Variants in DDX50 observed in about 807,000 individuals in gnomAD.
DDX50 encodes the protein DExD-box helicase 50, also known as ATP-dependent RNA helicase DDX50.
DDX50 carries 56 observed loss-of-function variants against 94.8 expected under a neutral mutation model. The observed-to-expected ratio is 0.59, with a 90% confidence interval of 0.48 to 0.74. The LOEUF is 0.74. DDX50 is among the 30% of genes least tolerant of loss of function. The pLI is 0.00. For synonymous variants in DDX50, 264 were observed against 295.4 expected, an observed-to-expected ratio of 0.89 and a Z score of 1.09; for missense variants, 713 against 881.2, an observed-to-expected ratio of 0.81 and a Z score of 2.42.
intron 4 of DDX50, among the ~76,000 whole-genome samples, 166 bp downstream of exon 4, chr10:68,911,412 G>A (rs746819873): frequency 2.0e-5 from 3 of 152,204 alleles, no homozygotes; most frequent in African/African-American, 7.2e-5. Flanking sequence ...CAAAGTTAAA[G>A]TGAAGTAGTT....
intron 14 of DDX50, among the ~76,000 whole-genome samples, chr10:68,945,973 T>A (rs1842660808): frequency 6.6e-6 from 1 of 151,872 alleles, no homozygotes; most frequent in South Asian, 2.1e-4. Context: ...TAGTAATACA[T>A]AGTATAGTTT....
chr10:68,933,671 C>T (rs1198941715), intron 8 of DDX50, among the ~76,000 whole-genome samples: 2 of 151,718 alleles, frequency 1.3e-5, no homozygotes. Context: ...TGGTGGCTCA[C>T]GCCTGTAATC....
rs1263776150 is a variant in DDX50, at chr10:68,934,962, C to A, written c.1521+44C>A. 1 of 1,575,320 alleles carries A rather than the reference C, an allele frequency of 6.3e-7. No individual in the cohort carries two copies. Among genetic ancestry groups the A allele is most frequent in the Admixed American group, 1.9e-5 (1 of 53,324 alleles). ...TTTCAGGCTTATTGTCTAAATGGTG[C>A]CTTAAAAGAGAGCTCTTCTTATATT... is the stretch of plus-strand genomic sequence containing the variant. On this transcript the variant is annotated intron_variant, in intron 10 of 14. Transcript: ENST00000373585. The surrounding 1 kb of genome is among the most constrained non-coding windows in gnomAD (Gnocchi z 4.0).
chr10:68,940,709 C>T (rs1200060895), intron 12 of DDX50, among the ~76,000 whole-genome samples: 1 of 152,124 alleles, frequency 6.6e-6, no homozygotes, highest in Non-Finnish European at 1.5e-5. Context: ...TGAGCCACCA[C>T]ACCCAGCCAA....
chr10:68,927,728 ATTGC>A (rs1457249859), intron 8 of DDX50, among the ~76,000 whole-genome samples: 1 of 152,254 alleles, frequency 6.6e-6, no homozygotes, highest in Non-Finnish European at 1.5e-5. Flanking sequence ...AGGCAGAAAG[ATTGC>A]TTGAGCCCAG....
At chr10:68,940,767 C>A (rs1373155026) in intron 12 of DDX50, among the ~76,000 whole-genome samples, 1 of 152,064 alleles carries the variant, frequency 6.6e-6, no homozygotes, top group African/African-American at 2.4e-5. Flanking sequence ...TTCCTTAATT[C>A]TTCACTACCT....
At chr10:68,912,681 A>G (rs1300643888) in intron 4 of DDX50, among the ~76,000 whole-genome samples, 1 of 152,200 alleles carries the variant, frequency 6.6e-6, no homozygotes, top group African/African-American at 2.4e-5. Flanking sequence ...ATGAGAATCA[A>G]ATTAGATAAT....
At chr10:68,935,899 A>C in intron 10 of DDX50, 107 bp from the exon 11 acceptor site, 1 of 785,928 alleles carries the variant, frequency 1.3e-6, no homozygotes, top group South Asian at 1.8e-5. Flanking sequence ...AGGGCTATGA[A>C]ATCTTTAAAT....
At chr10:68,902,178 C>T (rs1841308084) in intron 1 of DDX50, among the ~76,000 whole-genome samples, 1 of 141,578 alleles carries the variant, frequency 7.1e-6, no homozygotes, top group Non-Finnish European at 1.5e-5. Flanking sequence ...CTCCTCCCAG[C>T]CCCCTGCCCT....
Position 68,941,121 on chromosome 10 carries a change from AAG to A in DDX50, c.1819_1820del (p.Glu607ThrfsTer2). On this transcript the variant is annotated frameshift_variant, in exon 13 of 15. Coordinates refer to ENST00000373585, the MANE Select transcript of DDX50 (RefSeq NM_024045.2). LOFTEE classifies it high-confidence loss of function. ...ATACAGGATGTCAGCTGTGCTTGGA[AAG>A]AACTTAACAGAAAGCTGAGTAGTAA... 6.2e-7 allele frequency: 1 copy of A among 1,613,054 alleles called. No homozygotes were observed.
intron 13 of DDX50, among the ~76,000 whole-genome samples, chr10:68,942,389 T>C (rs1842574110): frequency 6.6e-6 from 1 of 152,160 alleles, no homozygotes. Flanking sequence ...ATCATCTCTC[T>C]CAAAGTTTAA....
chr10:68,913,253 A>G lies in DDX50; in HGVS notation c.731A>G (p.Tyr244Cys). The G allele has an allele frequency of 1.2e-6, 2 of 1,613,114 alleles. No homozygotes were observed. Among genetic ancestry groups the G allele is most frequent in the Non-Finnish European group, 1.7e-6 (2 of 1,179,778 alleles). ...ITRKLSVACF[Y>C]GGTSYQSQIN... ...AGGAAACTCAGCGTGGCGTGTTTTT[A>G]TGGTGGAACATCATATCAAAGCCAA... is the stretch of plus-strand genomic sequence containing the variant. The change falls in exon 5 of 15, where the codon TAT becomes TGT. Residue 244 changes from tyrosine to cysteine, a missense_variant. This residue lies in a region of DDX50 where 285 missense variants were observed against 278.9 expected (regional missense o/e 1.02). Transcript: ENST00000373585.
intron 8 of DDX50, among the ~76,000 whole-genome samples, chr10:68,925,841 C>T (rs1298170644): frequency 3.3e-5 from 5 of 151,816 alleles, no homozygotes; most frequent in South Asian, 2.1e-4. Flanking sequence ...TGGTGAAACC[C>T]GGTCTCCACT....
intron 8 of DDX50, among the ~76,000 whole-genome samples, chr10:68,921,259 A>G (rs953641392): frequency 2.0e-5 from 3 of 151,864 alleles, no homozygotes; most frequent in Admixed American, 6.6e-5. Flanking sequence ...CACATTATCA[A>G]TTGTCTTACA....
intron 1 of DDX50, among the ~76,000 whole-genome samples, chr10:68,903,868 C>T (rs538843833): frequency 1.1e-4 from 17 of 150,912 alleles, no homozygotes; most frequent in Non-Finnish European, 1.3e-4. Flanking sequence ...TCCAGCTACT[C>T]GGGAGGCTGA....
intron 4 of DDX50, 132 bp from the exon 5 acceptor site, chr10:68,913,030 A>G: frequency 1.5e-6 from 1 of 678,144 alleles, no homozygotes; most frequent in Non-Finnish European, 2.5e-6. Flanking sequence ...GCTATTTGTG[A>G]TGTGTCTTTA....
intron 12 of DDX50, among the ~76,000 whole-genome samples, chr10:68,938,351 A>G (rs2132060366): frequency 6.6e-6 from 1 of 152,334 alleles, no homozygotes; most frequent in South Asian, 2.1e-4. Flanking sequence ...ATGTCAAAAC[A>G]TACCACACCA....
At chr10:68,908,550 G>A (rs1841531813) in intron 2 of DDX50, among the ~76,000 whole-genome samples, 1 of 151,122 alleles carries the variant, frequency 6.6e-6, no homozygotes, top group African/African-American at 2.4e-5. Context: ...AAGACTGGAG[G>A]AGTATGTTTC....
At chr10:68,924,817 A>C (rs1470918516) in intron 8 of DDX50, among the ~76,000 whole-genome samples, 1 of 152,084 alleles carries the variant, frequency 6.6e-6, no homozygotes, top group African/African-American at 2.4e-5. Flanking sequence ...TTGTCCTGGA[A>C]AGTGAGCATT....
Sources: gnomAD v4.1 joint callset for allele counts (sites outside exome capture counted in the v4.1 genomes callset) on GRCh38, gnomAD v4.1.1 for gene constraint, gnomAD v4.1.1 regional missense constraint, Gnocchi (gnomAD v3.1) non-coding constraint, MANE v1.5 for transcripts, NCBI Gene and HGNC (gene_info 2026-07-23, HGNC 2026-07-21) for gene names.